GRIA1: variants seen among roughly 807,000 people sequenced by gnomAD.
The protein encoded by GRIA1 is glutamate receptor 1.
In GRIA1, 31 loss-of-function variants were observed where a neutral mutation model predicts 99.2. That is an observed-to-expected ratio of 0.31 (90% CI 0.23 to 0.42). The LOEUF (loss-of-function observed/expected upper bound fraction) is 0.42, where lower values mean the gene tolerates loss of function less well. Ranked by LOEUF, GRIA1 falls within the 10% of genes least tolerant of loss-of-function variation. The pLI, the probability that GRIA1 is intolerant of heterozygous loss-of-function variation, is 1.00. For missense variants in GRIA1, 782 were observed against 1,157.5 expected (o/e 0.68, Z 4.71); for synonymous variants, 438 against 432.4 (o/e 1.01, Z -0.16).
chr5:153,740,551 C>T (rs1490437970), intron 11 of GRIA1, among the ~76,000 whole-genome samples: 1 of 152,194 alleles, frequency 6.6e-6, no homozygotes. Context: ...CTGACTCAAG[C>T]TCTTCATCTG....
intron 11 of GRIA1, among the ~76,000 whole-genome samples, chr5:153,764,072 A>T (rs1581616664): frequency 6.6e-6 from 1 of 152,180 alleles, no homozygotes; most frequent in East Asian, 1.9e-4. Context: ...TGCACAAAAC[A>T]TTTGCTGTGT....
intron 13 of GRIA1, among the ~76,000 whole-genome samples, chr5:153,793,584 C>T (rs931161773): frequency 6.6e-6 from 1 of 152,210 alleles, no homozygotes; most frequent in Non-Finnish European, 1.5e-5. Context: ...AAAATTGTTC[C>T]AGCCTGTGGC....
intron 11 of GRIA1, among the ~76,000 whole-genome samples, chr5:153,719,471 G>A (rs1375596233): frequency 3.3e-5 from 5 of 151,922 alleles, no homozygotes; most frequent in African/African-American, 4.8e-5. Flanking sequence ...AATTATCTGA[G>A]GGCTTACTCC....
chr5:153,555,956 T>G (rs114403109), intron 2 of GRIA1, among the ~76,000 whole-genome samples: 1,760 of 152,322 alleles, frequency 0.012, 40 homozygotes, highest in African/African-American at 0.04. Context: ...GATGAAGGCA[T>G]TTAGAGCAGC....
intron 3 of GRIA1, among the ~76,000 whole-genome samples, chr5:153,647,375 T>C (rs1447537495): frequency 6.6e-6 from 1 of 152,182 alleles, no homozygotes; most frequent in Non-Finnish European, 1.5e-5. Context: ...TAATGCACCA[T>C]GTCACTCTAC....
intron 2 of GRIA1, among the ~76,000 whole-genome samples, chr5:153,570,547 T>C (rs1247835017): frequency 1.3e-5 from 2 of 152,218 alleles, no homozygotes; most frequent in Non-Finnish European, 2.9e-5. Flanking sequence ...AATAGACAAT[T>C]TTTTTTCCTA....
Position 153,811,042 on chromosome 5 carries a change from A to G in GRIA1, c.2538A>G (p.Pro846=). 1 of 1,614,092 alleles carries G rather than the reference A, an allele frequency of 6.2e-7. No individual in the cohort carries two copies. The change falls in exon 16 of 16, where the codon CCA becomes CCG. Residue 846 remains proline, a synonymous_variant. Coordinates refer to ENST00000285900, the MANE Select transcript of GRIA1 (RefSeq NM_000827.4). ...CTGAAAAGGGTTTTTGTTTGATCCC[A>G]CAGCAATCCATCAACGAAGCCATAC... ...SKRMKGFCLI[P]QQSINEAIRT...
rs896770508 is a variant in GRIA1 at position 153,697,989 on chromosome 5, G to A, written c.1135-55G>A. Reference sequence around the variant, plus strand: ...GTATTGACTGGGTGACCCAGAGCAGGCCAGTTCAGAGGAGGCTGGCCCACC... The same window carrying A: ...GTATTGACTGGGTGACCCAGAGCAGACCAGTTCAGAGGAGGCTGGCCCACC... On this transcript the variant is annotated intron_variant, in intron 8 of 15. Transcript: ENST00000285900. The A allele has an allele frequency of 5.4e-6, 5 of 924,396 alleles. No individual in the cohort carries two copies. In the African/African-American group the frequency reaches 6.4e-5, roughly 12 times the overall value. The allele number at this position is 924,396 out of a possible 1,614,324, so 57.3% of individuals were successfully genotyped here.
chr5:153,730,245 G>A (rs1431270745), intron 11 of GRIA1, among the ~76,000 whole-genome samples: 2 of 152,034 alleles, frequency 1.3e-5, no homozygotes, highest in Admixed American at 6.6e-5. Flanking sequence ...TCTGAGGACT[G>A]CATTTCAAAT....
At chr5:153,715,622 G>A (rs992194284) in intron 11 of GRIA1, among the ~76,000 whole-genome samples, 5 of 152,040 alleles carry the variant, frequency 3.3e-5, no homozygotes, top group Non-Finnish European at 7.4e-5. Context: ...TGCCTTGCAC[G>A]GGGGTGACAC....
At chr5:153,592,982 A>G (rs1764103250) in intron 2 of GRIA1, among the ~76,000 whole-genome samples, 2 of 152,112 alleles carry the variant, frequency 1.3e-5, no homozygotes, top group South Asian at 2.1e-4. Flanking sequence ...AATCTGATTA[A>G]CTGCCAGGCG....
intron 11 of GRIA1, among the ~76,000 whole-genome samples, chr5:153,756,787 T>C (rs1247149604): frequency 1.3e-5 from 2 of 152,048 alleles, no homozygotes; most frequent in Non-Finnish European, 2.9e-5. Flanking sequence ...ACAGGTTAGA[T>C]TGTCAGAGTC....
At chr5:153,749,731 C>T (rs75604028) in intron 11 of GRIA1, among the ~76,000 whole-genome samples, 2 of 152,118 alleles carry the variant, frequency 1.3e-5, no homozygotes, top group Non-Finnish European at 2.9e-5. Flanking sequence ...GACAAACATC[C>T]AAACTATATC....
At chr5:153,567,435 G>A (rs1761736318) in intron 2 of GRIA1, among the ~76,000 whole-genome samples, 1 of 152,214 alleles carries the variant, frequency 6.6e-6, no homozygotes, top group Non-Finnish European at 1.5e-5. Context: ...TTTGGGGCCA[G>A]ATAATTCTTT....
At chr5:153,576,611 T>TA (rs1468453620) in intron 2 of GRIA1, among the ~76,000 whole-genome samples, 1 of 152,246 alleles carries the variant, frequency 6.6e-6, no homozygotes, top group Non-Finnish European at 1.5e-5. Context: ...TCTCTTTTGT[T>TA]AAAAGTTCTG....
chr5:153,765,439 C>A (rs976300693), intron 12 of GRIA1, among the ~76,000 whole-genome samples: 1 of 152,156 alleles, frequency 6.6e-6, no homozygotes, highest in South Asian at 2.1e-4. Context: ...CAAGGAAATG[C>A]AAACCTTTGG....
chr5:153,559,260 A>C (rs1398981389), intron 2 of GRIA1, among the ~76,000 whole-genome samples: 1 of 152,320 alleles, frequency 6.6e-6, no homozygotes, highest in East Asian at 1.9e-4. Flanking sequence ...CATGTAGTAC[A>C]GTACGTGAGG....
At chr5:153,624,596 G>A (rs1403798363) in intron 2 of GRIA1, among the ~76,000 whole-genome samples, 5 of 152,196 alleles carry the variant, frequency 3.3e-5, no homozygotes, top group Admixed American at 2.0e-4. Context: ...CTCTGATCAC[G>A]TCATGCTGAC....
At chr5:153,511,490 C>T (rs540982402) in intron 2 of GRIA1, among the ~76,000 whole-genome samples, 2 of 152,126 alleles carry the variant, frequency 1.3e-5, no homozygotes, top group Non-Finnish European at 2.9e-5. Flanking sequence ...TGGGCTTCTT[C>T]CTGGAATTTT....
Sources: gnomAD v4.1 joint callset for allele counts (sites outside exome capture counted in the v4.1 genomes callset) on GRCh38, gnomAD v4.1.1 for gene constraint, MANE v1.5 for transcripts, NCBI Gene and HGNC (gene_info 2026-07-23, HGNC 2026-07-21) for gene names.